EP400: variants seen among roughly 807,000 people sequenced by gnomAD.
The protein encoded by EP400 is E1A binding protein p400.
EP400 carries 105 observed loss-of-function variants against 354.1 expected under a neutral mutation model. The observed-to-expected ratio is 0.30, with a 90% confidence interval of 0.25 to 0.35. EP400 has a LOEUF of 0.35. Among genes scored for constraint, EP400 ranks in the 10% least tolerant of loss-of-function variants. The probability of loss-of-function intolerance (pLI) is 1.00; values close to 1 mark genes in which losing one functional copy is unlikely to be tolerated. For synonymous variants in EP400, 1,646 were observed against 1,716.9 expected (o/e 0.96, Z 1.02); for missense variants, 3,280 against 4,121.0 (o/e 0.80, Z 5.59).
chr12:132,017,460 A>G lies in EP400; in HGVS notation c.3924-75A>G. 6.7e-7 allele frequency: 1 copy of G among 1,501,108 alleles called. No individual in the cohort carries two copies. Among genetic ancestry groups the G allele is most frequent in the Non-Finnish European group, 9.1e-7 (1 of 1,101,568 alleles). The allele number at this position is 1,501,108 out of a possible 1,614,324, so 93.0% of individuals were successfully genotyped here. ...CTGCCTGCCTTTCTGGAGTTGGGAC[A>G]GTCGATGGTGAGGGTGGGACTATGT... On this transcript the variant is annotated intron_variant, in intron 19 of 52. Coordinates refer to ENST00000389561, the MANE Select transcript of EP400 (RefSeq NM_015409.5). This position sits in a 1 kb window ranked among gnomAD's most constrained non-coding sequence, Gnocchi z 5.0.
chr12:132,033,800 G>T (rs1208669448), intron 30 of EP400, among the ~76,000 whole-genome samples: 1 of 152,180 alleles, frequency 6.6e-6, no homozygotes, highest in African/African-American at 2.4e-5. Flanking sequence ...CCAAAATGCT[G>T]GGATTACAGG....
At position 132,050,924 on chromosome 12, in the gene EP400, G is replaced by C; in HGVS notation, c.7394+269G>C. 3.6e-6 allele frequency: 2 copies of C among 550,432 alleles called. No individual in the cohort carries two copies. The highest frequency in any genetic ancestry group is 6.5e-6 in the Non-Finnish European group (2 of 307,532). The allele number at this position is 550,432 out of a possible 1,614,324, so 34.1% of individuals were successfully genotyped here. On this transcript the variant is annotated intron_variant, in intron 41 of 52. Transcript: ENST00000389561. The surrounding 1 kb of genome is among the most constrained non-coding windows in gnomAD (Gnocchi z 4.8). The stretch of plus-strand genomic sequence containing the variant: ...AGACGCTGACAGATGTGATGAGTGT[G>C]CCAGGGCCATGTGGCCAACCACAAG...
At chr12:132,015,624 T>C (rs1268916706) in intron 19 of EP400, among the ~76,000 whole-genome samples, 2 of 152,110 alleles carry the variant, frequency 1.3e-5, no homozygotes, top group African/African-American at 4.8e-5. Flanking sequence ...CTGGGACCTG[T>C]TGGGGGAAAG....
intron 6 of EP400, 125 bp downstream of exon 6, chr12:131,986,932 T>A: frequency 8.4e-7 from 1 of 1,187,394 alleles, no homozygotes; most frequent in Non-Finnish European, 1.2e-6. Flanking sequence ...TGGGAATCAG[T>A]AGACACAAGA....
intron 15 of EP400, among the ~76,000 whole-genome samples, chr12:132,010,475 G>A (rs1050271913): frequency 5.3e-5 from 8 of 152,090 alleles, no homozygotes; most frequent in African/African-American, 1.9e-4. Context: ...CTATTGGGTG[G>A]TTCTTTTCCA....
Position 132,027,923 on chromosome 12 carries a change from T to C in EP400, c.5110-94T>C, listed in dbSNP as rs1271860255. ...CGGGGATATTGAAGTGGATCTCATA[T>C]GTGGGAAATCACGGGCTGGGTGGGG... On this transcript the variant is annotated intron_variant, in intron 26 of 52. Transcript: ENST00000389561. The surrounding 1 kb of genome is among the most constrained non-coding windows in gnomAD (Gnocchi z 4.9). 1 of 1,340,732 alleles carries C rather than the reference T, an allele frequency of 7.5e-7. No homozygotes were observed. Among genetic ancestry groups the C allele is most frequent in the African/African-American group, 1.4e-5 (1 of 69,168 alleles). The allele number at this position is 1,340,732 out of a possible 1,614,324, so 83.1% of individuals were successfully genotyped here.
rs369068767 is a variant in EP400 at position 132,053,890 on chromosome 12, A to G, written c.7728+293A>G. Among the ~76,000 whole-genome samples, 27 of 152,234 alleles carry G rather than the reference A, an allele frequency of 1.8e-4. No individual in the cohort carries two copies. In the East Asian group the frequency reaches 4.1e-3, roughly 23 times the overall value. ...TAGTGGAGGTGGTTGGGAAGTTTGT[A>G]ATTGCCTGGGTTTTGTAAAACATAC... On this transcript the variant is annotated intron_variant, in intron 43 of 52. Coordinates refer to ENST00000389561, the MANE Select transcript of EP400 (RefSeq NM_015409.5).
At chr12:131,968,255 C>G (rs975508467) in intron 2 of EP400, among the ~76,000 whole-genome samples, 1 of 152,020 alleles carries the variant, frequency 6.6e-6, no homozygotes, top group Non-Finnish European at 1.5e-5. Context: ...ATTTATTTTG[C>G]GTAAAATTTT....
intron 15 of EP400, among the ~76,000 whole-genome samples, chr12:132,009,422 G>C (rs917400419): frequency 7.2e-5 from 11 of 152,154 alleles, no homozygotes; most frequent in African/African-American, 2.7e-4. Context: ...CTTGAAATGG[G>C]CTAATGACCC....
chr12:131,950,090 G>T (rs1593302228), intron 1 of EP400, 54 bp downstream of exon 1: 1 of 151,830 alleles, frequency 6.6e-6, no homozygotes, highest in South Asian at 2.1e-4. Flanking sequence ...GGACGGCAGC[G>T]TCCAGGGTCC....
Position 132,055,132 on chromosome 12 carries a change from T to C in EP400, c.7808T>C (p.Ile2603Thr). ...AVSGNVIVNT[I>T]AGVPAATFQS... ...AGTGGAAATGTGATCGTGAACACCA[T>C]CGCAGGGGTCCCAGCTGCCACCTTC... The change falls in exon 45 of 53, where the codon ATC becomes ACC. Residue 2603 changes from isoleucine (I) to threonine (T), a missense_variant. Transcript: ENST00000389561. 6.2e-7 allele frequency: 1 copy of C among 1,611,588 alleles called. No homozygotes were observed. Among genetic ancestry groups the C allele is most frequent in the Non-Finnish European group, 8.5e-7 (1 of 1,178,700 alleles).
Position 132,050,903 on chromosome 12 carries a change from G to T in EP400, c.7394+248G>T, listed in dbSNP as rs911068404. 1 of 576,238 alleles carries T rather than the reference G, an allele frequency of 1.7e-6. No individual in the cohort carries two copies. Among genetic ancestry groups the T allele is most frequent in the East Asian group, 2.9e-5 (1 of 34,642 alleles). 35.7% of individuals were successfully genotyped at this position (576,238 alleles called of 1,614,324 possible). A position where few individuals can be genotyped will look rare whatever the true frequency, so the allele number is the denominator to read the frequency against. The stretch of plus-strand genomic sequence containing the variant: ...TTGCTGGCCCTCAGTGGGGAAAGAC[G>T]CTGACAGATGTGATGAGTGTGCCAG... On this transcript the variant is annotated intron_variant, in intron 41 of 52. Coordinates refer to ENST00000389561, the MANE Select transcript of EP400 (RefSeq NM_015409.5). The surrounding 1 kb of genome is among the most constrained non-coding windows in gnomAD (Gnocchi z 4.8).
chr12:132,043,686 A>G lies in EP400; in HGVS notation c.6408A>G (p.Leu2136=). ...AATATGCTTTAAATTACCTGGAATT[A>G]TTCCATACTTCTATTGAGCAAGAAA... ...IEKYALNYLE[L]FHTSIEQEKE... Residue 2136 remains leucine, a synonymous_variant, in exon 34 of 53, where the codon TTA becomes TTG. Coordinates refer to ENST00000389561, the MANE Select transcript of EP400 (RefSeq NM_015409.5). 1 of 1,611,858 alleles carries G rather than the reference A, an allele frequency of 6.2e-7. No individual in the cohort carries two copies. The highest frequency in any genetic ancestry group is 8.5e-7 in the Non-Finnish European group (1 of 1,179,526).
Position 132,080,126 on chromosome 12 carries a change from G to T in EP400, c.*2453G>T, listed in dbSNP as rs879943676. On this transcript the variant is annotated 3_prime_UTR_variant, in exon 53 of 53. Coordinates refer to ENST00000389561, the MANE Select transcript of EP400 (RefSeq NM_015409.5). ...TAATTGGCGACCCTGGGAAACAGTTGCCCTGCTATTCTTTAAAGAAAGACG... is the reference window on the plus strand; with the variant it reads ...TAATTGGCGACCCTGGGAAACAGTTTCCCTGCTATTCTTTAAAGAAAGACG... 9 of 152,174 alleles carry T rather than the reference G, an allele frequency of 5.9e-5. No individual in the cohort carries two copies. Among genetic ancestry groups the T allele is most frequent in the Admixed American group, 5.9e-4 (9 of 15,276 alleles). The allele number at this position is 152,174 out of a possible 1,614,324, so 9.4% of individuals were successfully genotyped here.
chr12:132,048,328 A>G (rs1356301900), intron 39 of EP400, among the ~76,000 whole-genome samples: 1 of 152,212 alleles, frequency 6.6e-6, no homozygotes, highest in Non-Finnish European at 1.5e-5. Context: ...GTAAGAAATT[A>G]TAAAAGTATT....
intron 25 of EP400, among the ~76,000 whole-genome samples, chr12:132,026,229 C>G (rs1265853204): frequency 1.3e-5 from 2 of 152,214 alleles, no homozygotes; most frequent in African/African-American, 4.8e-5. Context: ...AGTCCCCGCT[C>G]TGTGCCTGCC....
At chr12:132,031,120 G>T in intron 29 of EP400, 1 of 435,572 alleles carries the variant, frequency 2.3e-6, no homozygotes, top group Non-Finnish European at 4.6e-6. Context: ...ATTAGGTTTC[G>T]TTTCTGGCAC....
At chr12:132,073,874 C>T (rs1034247187) in intron 51 of EP400, among the ~76,000 whole-genome samples, 2 of 144,382 alleles carry the variant, frequency 1.4e-5, no homozygotes, top group African/African-American at 5.2e-5. Flanking sequence ...TCCTGAGAGA[C>T]AGTTTTGCTT....
chr12:131,965,810 G>A (rs1285592374), intron 2 of EP400, among the ~76,000 whole-genome samples: 1 of 152,040 alleles, frequency 6.6e-6, no homozygotes, highest in Non-Finnish European at 1.5e-5. Context: ...TCTTTTTATT[G>A]CTGAGTGCTA....
Sources: gnomAD v4.1 joint callset for allele counts (sites outside exome capture counted in the v4.1 genomes callset) on GRCh38, gnomAD v4.1.1 for gene constraint, Gnocchi (gnomAD v3.1) non-coding constraint, MANE v1.5 for transcripts, NCBI Gene and HGNC (gene_info 2026-07-23, HGNC 2026-07-21) for gene names.